GRIA4: variants seen among roughly 807,000 people sequenced by gnomAD.
GRIA4 encodes the protein glutamate receptor 4.
GRIA4 carries 34 observed loss-of-function variants against 104.0 expected under a neutral mutation model. The observed-to-expected ratio is 0.33, with a 90% CI of 0.25 to 0.44. The LOEUF (loss-of-function observed/expected upper bound fraction) is 0.44, where lower values mean the gene tolerates loss of function less well. Ranked by LOEUF, GRIA4 falls within the 20% of genes least tolerant of loss-of-function variation. The probability of loss-of-function intolerance (pLI) is 1.00; values close to 1 mark genes in which losing one functional copy is unlikely to be tolerated. For synonymous variants in GRIA4, 386 were observed against 381.9 expected, an observed-to-expected ratio of 1.01 and a Z score of -0.13; for missense variants, 750 against 1,096.5, an observed-to-expected ratio of 0.68 and a Z score of 4.46.
At chr11:105,969,307 G>A in intron 14 of GRIA4, among the ~76,000 whole-genome samples, 1 of 152,148 alleles carries the variant, frequency 6.6e-6, no homozygotes. Flanking sequence ...AAAAGTTGTA[G>A]TAAACAAAAA....
intron 4 of GRIA4, among the ~76,000 whole-genome samples, chr11:105,799,558 G>A (rs1942629413): frequency 6.6e-6 from 1 of 151,950 alleles, no homozygotes; most frequent in South Asian, 2.1e-4. Context: ...TGGAACCCAG[G>A]GTAGACATAA....
chr11:105,751,487 C>T (rs2135689711), intron 3 of GRIA4, among the ~76,000 whole-genome samples: 1 of 152,260 alleles, frequency 6.6e-6, no homozygotes, highest in Middle Eastern at 3.4e-3. Context: ...AAAATTACAG[C>T]CAGTCACATT....
At chr11:105,788,574 C>A (rs1052978399) in intron 4 of GRIA4, among the ~76,000 whole-genome samples, 5 of 151,998 alleles carry the variant, frequency 3.3e-5, no homozygotes, top group Admixed American at 2.6e-4. Flanking sequence ...AAAAAAAGAA[C>A]AAAATCATTT....
chr11:105,757,563 G>C (rs777916890), intron 4 of GRIA4, among the ~76,000 whole-genome samples: 1 of 152,110 alleles, frequency 6.6e-6, no homozygotes, highest in African/African-American at 2.4e-5. Flanking sequence ...TGGTGCCAGC[G>C]GTTCATTTGA....
At chr11:105,839,266 T>A (rs180954713) in intron 4 of GRIA4, among the ~76,000 whole-genome samples, 1 of 152,328 alleles carries the variant, frequency 6.6e-6, no homozygotes, top group Non-Finnish European at 1.5e-5. Context: ...TCTTTGTGGC[T>A]ATTGAGTAGG....
At chr11:105,846,857 A>G (rs1944614991) in intron 4 of GRIA4, among the ~76,000 whole-genome samples, 1 of 152,246 alleles carries the variant, frequency 6.6e-6, no homozygotes, top group South Asian at 2.1e-4. Flanking sequence ...TAAATACTGT[A>G]TCTTATTGCA....
At chr11:105,756,354 T>A (rs986612289) in intron 4 of GRIA4, among the ~76,000 whole-genome samples, 1 of 152,150 alleles carries the variant, frequency 6.6e-6, no homozygotes. Flanking sequence ...GGACTGCAGA[T>A]CACAAGCACC....
At chr11:105,975,363 T>C (rs896089072) in intron 16 of GRIA4, among the ~76,000 whole-genome samples, 1 of 152,120 alleles carries the variant, frequency 6.6e-6, no homozygotes, top group Non-Finnish European at 1.5e-5. Context: ...TATTTTTTTT[T>C]TCATTTCCAT....
In GRIA4 at chr11:105,652,656, C is replaced by A. The variant is rs897544109; in HGVS notation, c.247+40222C>A. Among the ~76,000 whole-genome samples, 5 of 152,100 alleles carry A rather than the reference C, an allele frequency of 3.3e-5. No homozygotes were observed. The East Asian group carries it at 7.7e-4, about 23-fold the overall frequency. Reference sequence around the variant, plus strand: ...AGGAAATTGGGCTTCTTTTTTATGACAATATTTTATGACTCATGCTGATTC... The same window carrying A: ...AGGAAATTGGGCTTCTTTTTTATGAAAATATTTTATGACTCATGCTGATTC... On this transcript the variant is annotated intron_variant, in intron 3 of 16. Transcript: ENST00000282499.
Position 105,832,521 on chromosome 11 carries a change from G to A in GRIA4, c.488-29503G>A, listed in dbSNP as rs549761501. ...TCTCTGCTGCAACCCTCTGAAGTAC[G>A]CAGGGCTGGTATTAGTATCTTCATT... is the stretch of plus-strand genomic sequence containing the variant. On this transcript the variant is annotated intron_variant, in intron 4 of 16. Transcript: ENST00000282499. Among the ~76,000 whole-genome samples, 125 of 151,898 alleles carry A rather than the reference G, an allele frequency of 8.2e-4. 1 individual carries two copies. The highest frequency in any genetic ancestry group is 1.7e-3 in the South Asian group (8 of 4,820).
chr11:105,677,944 T>C (rs1442907429), intron 3 of GRIA4, among the ~76,000 whole-genome samples: 1 of 151,994 alleles, frequency 6.6e-6, no homozygotes, highest in Non-Finnish European at 1.5e-5. Flanking sequence ...TTTGTCTGTG[T>C]TTCCCATAAG....
At chr11:105,855,821 G>A (rs956661390) in intron 4 of GRIA4, among the ~76,000 whole-genome samples, 1 of 152,018 alleles carries the variant, frequency 6.6e-6, no homozygotes, top group African/African-American at 2.4e-5. Flanking sequence ...AGAAAAATGG[G>A]TTTCTCAGAC....
intron 7 of GRIA4, among the ~76,000 whole-genome samples, chr11:105,899,058 G>C (rs113843099): frequency 4.6e-5 from 7 of 151,958 alleles, no homozygotes; most frequent in African/African-American, 1.7e-4. Flanking sequence ...ACCTAATAAG[G>C]CACCATCATC....
At chr11:105,919,634 C>T (rs923268404) in intron 11 of GRIA4, among the ~76,000 whole-genome samples, 1 of 152,072 alleles carries the variant, frequency 6.6e-6, no homozygotes, top group Non-Finnish European at 1.5e-5. Context: ...AATGTTCCTG[C>T]CTGAATCAGA....
intron 14 of GRIA4, among the ~76,000 whole-genome samples, chr11:105,957,382 G>T (rs1338420024): frequency 1.3e-5 from 2 of 152,140 alleles, no homozygotes; most frequent in African/African-American, 4.8e-5. Context: ...TTTCCCCATT[G>T]CTTGTTTTTG....
intron 14 of GRIA4, among the ~76,000 whole-genome samples, chr11:105,945,032 G>T (rs974164507): frequency 6.6e-6 from 1 of 151,888 alleles, no homozygotes. Flanking sequence ...TTCAATCATG[G>T]TGCTGCTTGT....
At chr11:105,785,300 C>T (rs970364665) in intron 4 of GRIA4, among the ~76,000 whole-genome samples, 11 of 151,846 alleles carry the variant, frequency 7.2e-5, no homozygotes, top group African/African-American at 1.5e-4. Context: ...GTGTTTTGCA[C>T]GTATATATAA....
chr11:105,622,188 A>G (rs1031122072), intron 3 of GRIA4, among the ~76,000 whole-genome samples: 2 of 151,656 alleles, frequency 1.3e-5, no homozygotes, highest in South Asian at 4.1e-4. Context: ...CATTTTCTTT[A>G]TGGCTTCAGG....
chr11:105,658,182 C>T (rs1330864473), intron 3 of GRIA4, among the ~76,000 whole-genome samples: 1 of 151,574 alleles, frequency 6.6e-6, no homozygotes, highest in Non-Finnish European at 1.5e-5. Flanking sequence ...ATTATCAGTA[C>T]TATTATTGAA....
Sources: allele counts gnomAD v4.1 joint callset (sites outside exome capture counted in the v4.1 genomes callset), GRCh38; gene constraint gnomAD v4.1.1; transcripts MANE v1.5; gene names NCBI Gene and HGNC (gene_info 2026-07-23, HGNC 2026-07-21).